The following SLCO5A1 variants were observed in gnomAD, a reference collection of about 807,000 sequenced individuals.
SLCO5A1 encodes solute carrier organic anion transporter family member 5A1, also known as organic anion transporter polypeptide-related protein 4.
In SLCO5A1, 39 loss-of-function variants were observed where a neutral mutation model predicts 65.1. That is an observed-to-expected ratio of 0.60 (90% CI 0.46 to 0.78). The LOEUF (loss-of-function observed/expected upper bound fraction) is 0.78. SLCO5A1 is among the 30% of genes least tolerant of loss of function. SLCO5A1 has a pLI of 0.00. For synonymous variants in SLCO5A1, 438 were observed against 415.7 expected (o/e 1.05, Z -0.65); for missense variants, 1,029 against 1,069.4 (o/e 0.96, Z 0.53).
intron 2 of SLCO5A1, among the ~76,000 whole-genome samples, chr8:69,800,185 G>A (rs1819671950): frequency 6.8e-6 from 1 of 146,458 alleles, no homozygotes; most frequent in Non-Finnish European, 1.5e-5. Context: ...GAACATTCCT[G>A]ATTTATCTGA....
chr8:69,693,422 T>A (rs1186913293), intron 6 of SLCO5A1, among the ~76,000 whole-genome samples: 1 of 152,228 alleles, frequency 6.6e-6, no homozygotes, highest in Non-Finnish European at 1.5e-5. Flanking sequence ...GATGGGTCAG[T>A]CATTAAGTCT....
intron 4 of SLCO5A1, among the ~76,000 whole-genome samples, chr8:69,741,851 A>C (rs1816800131): frequency 6.6e-6 from 1 of 152,250 alleles, no homozygotes; most frequent in South Asian, 2.1e-4. Flanking sequence ...GTCATGAGAA[A>C]CAAAAAAGGA....
chr8:69,790,648 C>T (rs1488401079), intron 2 of SLCO5A1, among the ~76,000 whole-genome samples: 1 of 151,862 alleles, frequency 6.6e-6, no homozygotes, highest in Non-Finnish European at 1.5e-5. Flanking sequence ...GAGACCCTAT[C>T]TCTAAAATAA....
rs1393198403 is a variant in SLCO5A1 at position 69,755,412 on chromosome 8, G to C, written c.1258+12C>G. Reference sequence around the variant, plus strand: ...GTGCCATGCATGTATTTATTCAAGAGGTATACTTTACCTCTGACATCCTTT... The same window carrying C: ...GTGCCATGCATGTATTTATTCAAGACGTATACTTTACCTCTGACATCCTTT... On this transcript the variant is annotated intron_variant, in intron 4 of 9. Coordinates refer to ENST00000260126, the MANE Select transcript of SLCO5A1 (RefSeq NM_030958.3). The C allele has an allele frequency of 3.1e-6, 5 of 1,608,172 alleles. No homozygotes were observed. The Admixed American group carries it at 6.7e-5, about 21-fold the overall frequency.
chr8:69,799,266 T>C (rs761068675), intron 2 of SLCO5A1, among the ~76,000 whole-genome samples: 3 of 152,214 alleles, frequency 2.0e-5, no homozygotes, highest in Non-Finnish European at 2.9e-5. Flanking sequence ...TTTCTTTGTT[T>C]CACTGTATGA....
chr8:69,764,145 G>T (rs1021720072), intron 2 of SLCO5A1, among the ~76,000 whole-genome samples: 1 of 152,182 alleles, frequency 6.6e-6, no homozygotes, highest in Non-Finnish European at 1.5e-5. Flanking sequence ...TTACAGACGT[G>T]AGTCACCACA....
intron 5 of SLCO5A1, among the ~76,000 whole-genome samples, chr8:69,731,829 A>G (rs1387696662): frequency 2.0e-5 from 3 of 152,182 alleles, no homozygotes; most frequent in Non-Finnish European, 4.4e-5. Context: ...CAGAGCCACC[A>G]TGCTTGAGTA....
At chr8:69,825,231 C>A (rs1820822624) in intron 2 of SLCO5A1, among the ~76,000 whole-genome samples, 1 of 152,112 alleles carries the variant, frequency 6.6e-6, no homozygotes, top group South Asian at 2.1e-4. Context: ...ACAGGGATGC[C>A]CTCTCTCACC....
intron 2 of SLCO5A1, 105 bp downstream of exon 2, chr8:69,831,662 A>G (rs1821157879): frequency 8.1e-7 from 1 of 1,240,240 alleles, no homozygotes; most frequent in Non-Finnish European, 1.1e-6. Context: ...ACTTTAATCT[A>G]TAATATACAT....
intron 6 of SLCO5A1, among the ~76,000 whole-genome samples, chr8:69,693,045 A>T (rs1490004710): frequency 2.0e-5 from 3 of 152,196 alleles, no homozygotes; most frequent in Admixed American, 1.3e-4. Flanking sequence ...CTCCAAACTC[A>T]TGACCAACGC....
At chr8:69,781,917 A>G (rs755431731) in intron 2 of SLCO5A1, among the ~76,000 whole-genome samples, 1 of 152,216 alleles carries the variant, frequency 6.6e-6, no homozygotes. Flanking sequence ...TCAGCCTTGC[A>G]TAGTGCTGGG....
chr8:69,761,829 T>G lies in SLCO5A1; in HGVS notation c.954A>C (p.Leu318Phe). 6.2e-7 allele frequency: 1 copy of G among 1,613,956 alleles called. No individual in the cohort carries two copies. Among genetic ancestry groups the G allele is most frequent in the East Asian group, 2.2e-5 (1 of 44,862 alleles). ...AAAAACCAATAAGAAGTCCACCTAATAAATATCCCACTGCAGGGCCAAGTG... is the reference window on the plus strand; with the variant it reads ...AAAAACCAATAAGAAGTCCACCTAAGAAATATCCCACTGCAGGGCCAAGTG... ...MGALGPAVGY[L>F]LGGLLIGFYV... The change falls in exon 3 of 10, where the codon TTA (leucine) becomes TTC (phenylalanine). Residue 318 changes from leucine (L) to phenylalanine (F), a missense_variant. By Grantham distance (22) the Leu-to-Phe change is conservative. This residue lies in a region of SLCO5A1 where 647 missense variants were observed against 647.5 expected (regional missense o/e 1.00). Transcript: ENST00000260126.
intron 2 of SLCO5A1, among the ~76,000 whole-genome samples, chr8:69,763,048 G>T: frequency 6.6e-6 from 1 of 152,186 alleles, no homozygotes; most frequent in Admixed American, 6.5e-5. Context: ...GGTGGGTCAC[G>T]CCTGTAATCC....
chr8:69,693,790 T>A (rs1224544893), intron 6 of SLCO5A1, among the ~76,000 whole-genome samples: 1 of 152,372 alleles, frequency 6.6e-6, no homozygotes, highest in East Asian at 1.9e-4. Flanking sequence ...CACATCTTAA[T>A]GTTGAAGAAA....
chr8:69,686,556 C>A (rs960734063), intron 6 of SLCO5A1, among the ~76,000 whole-genome samples: 2 of 152,200 alleles, frequency 1.3e-5, no homozygotes, highest in Admixed American at 1.3e-4. Flanking sequence ...ATTCATTCCC[C>A]ATGAGAATTG....
chr8:69,813,580 A>AG, intron 2 of SLCO5A1, among the ~76,000 whole-genome samples: 1 of 152,162 alleles, frequency 6.6e-6, no homozygotes, highest in African/African-American at 2.4e-5. Flanking sequence ...AAGGAGCAAA[A>AG]GGACTACCTA....
chr8:69,683,009 T>C (rs1042013110), intron 6 of SLCO5A1, among the ~76,000 whole-genome samples: 2 of 152,102 alleles, frequency 1.3e-5, no homozygotes, highest in African/African-American at 4.8e-5. Flanking sequence ...CAATCAAATA[T>C]GGTGGGTTTC....
At chr8:69,806,693 C>A (rs1432403044) in intron 2 of SLCO5A1, among the ~76,000 whole-genome samples, 1 of 152,188 alleles carries the variant, frequency 6.6e-6, no homozygotes, top group African/African-American at 2.4e-5. Flanking sequence ...GAATATCAAA[C>A]CTTGGCTCCA....
At chr8:69,765,238 A>G (rs1818005284) in intron 2 of SLCO5A1, among the ~76,000 whole-genome samples, 1 of 152,132 alleles carries the variant, frequency 6.6e-6, no homozygotes, top group Admixed American at 6.5e-5. Context: ...ACAATGGCAC[A>G]CATATACACA....
Sources: gnomAD v4.1 joint callset for allele counts (sites outside exome capture counted in the v4.1 genomes callset) on GRCh38, gnomAD v4.1.1 for gene constraint, gnomAD v4.1.1 regional missense constraint, MANE v1.5 for transcripts, NCBI Gene and HGNC (gene_info 2026-07-23, HGNC 2026-07-21) for gene names.